NCKAP1L: variants seen among roughly 807,000 people sequenced by gnomAD.
NCKAP1L encodes NCK associated protein 1 like.
A neutral mutation model predicts 139.2 loss-of-function variants in NCKAP1L; 53 were observed. That is an observed-to-expected ratio of 0.38 (90% CI 0.31 to 0.48). NCKAP1L has a LOEUF of 0.48. NCKAP1L is among the 20% of genes least tolerant of loss of function. The pLI is 0.98. For missense variants in NCKAP1L, 1,151 were observed against 1,381.9 expected (o/e 0.83, Z 2.65); for synonymous variants, 468 against 499.7 (o/e 0.94, Z 0.85).
At chr12:54,534,456 A>T (rs1406985063) in intron 26 of NCKAP1L, among the ~76,000 whole-genome samples, 1 of 152,234 alleles carries the variant, frequency 6.6e-6, no homozygotes, top group Non-Finnish European at 1.5e-5. Flanking sequence ...ATCTAAAAAG[A>T]TAACTAACAC....
Position 54,545,491 on chromosome 12 carries a change from A to G in NCKAP1L, c.*2806A>G, listed in dbSNP as rs575769488. Reference sequence around the variant, plus strand: ...GGAGCAAATTGGAGAAGGTGAGGACATGATGGCCTTTACTACCGGAAGCAA... The same window carrying G: ...GGAGCAAATTGGAGAAGGTGAGGACGTGATGGCCTTTACTACCGGAAGCAA... On this transcript the variant is annotated 3_prime_UTR_variant, in exon 31 of 31. Transcript: ENST00000293373. The G allele has an allele frequency of 1.3e-5, 2 of 152,368 alleles. No individual in the cohort carries two copies. Among genetic ancestry groups the G allele is most frequent in the East Asian group, 3.9e-4 (2 of 5,184 alleles). 9.4% of individuals were successfully genotyped at this position (152,368 alleles called of 1,614,324 possible). A position where few individuals can be genotyped will look rare whatever the true frequency, so the allele number is the denominator to read the frequency against.
intron 18 of NCKAP1L, 37 bp downstream of exon 18, chr12:54,521,275 C>T (rs374250004): frequency 3.7e-6 from 6 of 1,609,752 alleles, no homozygotes; most frequent in South Asian, 3.3e-5. Context: ...CTCCCCTCTG[C>T]CAGCGCTCAG....
chr12:54,517,798 C>A lies in NCKAP1L; in HGVS notation c.1206-8C>A, dbSNP rs200079691. ...TATTCATCTCTGTTCTCATCCTAAA[C>A]TTTATAGGAGCATTGCAGAGCTACT... On this transcript the variant is annotated splice_region_variant and splice_polypyrimidine_tract_variant and intron_variant, in intron 12 of 30. Coordinates refer to ENST00000293373, the MANE Select transcript of NCKAP1L (RefSeq NM_005337.5). 2.3e-4 allele frequency: 371 copies of A among 1,614,036 alleles called. 2 individuals carry two copies. The highest frequency in any genetic ancestry group is 1.0e-5 in the Non-Finnish European group (12 of 1,179,930).
At chr12:54,498,477 G>A (rs1320171050) in intron 1 of NCKAP1L, among the ~76,000 whole-genome samples, 2 of 150,944 alleles carry the variant, frequency 1.3e-5, no homozygotes, top group Non-Finnish European at 3.0e-5. Context: ...AGTGACAAGA[G>A]GTGGGCTAGG....
At chr12:54,531,970 A>G (rs1330303849) in intron 25 of NCKAP1L, 145 bp downstream of exon 25, 4 of 786,568 alleles carry the variant, frequency 5.1e-6, no homozygotes, top group Non-Finnish European at 8.1e-6. Flanking sequence ...AGGGAGAGTA[A>G]TTTGGCAGAG....
At chr12:54,535,805 G>A (rs1957109481) in intron 27 of NCKAP1L, among the ~76,000 whole-genome samples, 1 of 152,172 alleles carries the variant, frequency 6.6e-6, no homozygotes, top group South Asian at 2.1e-4. Flanking sequence ...AGAACCTTTT[G>A]TCTTCTTTCT....
chr12:54,539,264 G>C (rs1186135407), intron 30 of NCKAP1L, among the ~76,000 whole-genome samples: 1 of 152,206 alleles, frequency 6.6e-6, no homozygotes, highest in East Asian at 1.9e-4. Flanking sequence ...TGATAGGGCA[G>C]CTGTGCCCGT....
At position 54,546,998 on chromosome 12, in the gene NCKAP1L, G is replaced by A. The variant is rs1476745413; in HGVS notation, c.*4313G>A. ...TATCAAACTCAAAGCTTGTTGGAAAGGATTGTGGGGTTAGGGGAGTGAGGA... is the reference window on the plus strand; with the variant it reads ...TATCAAACTCAAAGCTTGTTGGAAAAGATTGTGGGGTTAGGGGAGTGAGGA... On this transcript the variant is annotated 3_prime_UTR_variant, in exon 31 of 31. Transcript: ENST00000293373. 6.6e-6 allele frequency: 1 copy of A among 152,194 alleles called. No homozygotes were observed. The highest frequency in any genetic ancestry group is 1.5e-5 in the Non-Finnish European group (1 of 68,038). The allele number at this position is 152,194 out of a possible 1,614,324, so 9.4% of individuals were successfully genotyped here. A position where few individuals can be genotyped will look rare whatever the true frequency, so the allele number is the denominator to read the frequency against.
Position 54,509,735 on chromosome 12 carries a change from A to G in NCKAP1L, c.573A>G (p.Thr191=). 1 of 1,614,216 alleles carries G rather than the reference A, an allele frequency of 6.2e-7. No homozygotes were observed. The highest frequency in any genetic ancestry group is 8.5e-7 in the Non-Finnish European group (1 of 1,180,028). The change falls in exon 6 of 31, where the codon ACA becomes ACG. Residue 191 remains threonine, a synonymous_variant. Transcript: ENST00000293373. ...LEYDHPLKKL[T]EEFGPHTKAV... ...ATGACCACCCTCTGAAGAAGCTGAC[A>G]GAAGAGTTTGGGCCTCACACAAAGG...
Position 54,500,520 on chromosome 12 carries a change from G to A in NCKAP1L, c.214-13G>A. 1 of 1,579,486 alleles carries A rather than the reference G, an allele frequency of 6.3e-7. No homozygotes were observed. The highest frequency in any genetic ancestry group is 8.7e-7 in the Non-Finnish European group (1 of 1,149,146). The stretch of plus-strand genomic sequence containing the variant: ...TTGCACTTTTTTATTGTTTTGTTTT[G>A]TGTTTCTCTCAGCAACATTTAGGAC... On this transcript the variant is annotated splice_polypyrimidine_tract_variant and intron_variant, in intron 2 of 30. Coordinates refer to ENST00000293373, the MANE Select transcript of NCKAP1L (RefSeq NM_005337.5).
chr12:54,511,245 T>C (rs1956885849), intron 7 of NCKAP1L, among the ~76,000 whole-genome samples: 1 of 152,232 alleles, frequency 6.6e-6, no homozygotes, highest in East Asian at 1.9e-4. Flanking sequence ...ATGTGAAACC[T>C]TTTGCTTGTT....
chr12:54,501,814 T>C (rs997165487), intron 3 of NCKAP1L, among the ~76,000 whole-genome samples: 1 of 152,244 alleles, frequency 6.6e-6, no homozygotes, highest in Non-Finnish European at 1.5e-5. Context: ...GGAACTGCTA[T>C]ACTGTTTTCC....
intron 7 of NCKAP1L, among the ~76,000 whole-genome samples, chr12:54,511,381 A>G (rs1052111818): frequency 1.3e-5 from 2 of 152,176 alleles, no homozygotes; most frequent in African/African-American, 4.8e-5. Flanking sequence ...AATGTGCCCT[A>G]AACTAGTCTG....
chr12:54,499,201 G>C (rs1387563501), intron 1 of NCKAP1L, among the ~76,000 whole-genome samples, 154 bp from the exon 2 acceptor site: 1 of 152,210 alleles, frequency 6.6e-6, no homozygotes, highest in East Asian at 1.9e-4. Flanking sequence ...TGGGATTACA[G>C]GTGTGAGCCG....
chr12:54,532,310 GCTAGGAT>G (rs1311971027), intron 26 of NCKAP1L, 60 bp downstream of exon 26: 2 of 1,414,864 alleles, frequency 1.4e-6, no homozygotes, highest in African/African-American at 1.4e-5. Context: ...AAAGGAGGTA[GCTAGGAT>G]CTTGTAAGGG....
In NCKAP1L at chr12:54,518,421, T is replaced by G. The variant is rs140248313; in HGVS notation, c.1339-230T>G. ...ACTAATAATCTCAGCCGTCTTTTTT[T>G]CCCCACTAAGTGAAATTACATAGAA... On this transcript the variant is annotated intron_variant, in intron 13 of 30. Coordinates refer to ENST00000293373, the MANE Select transcript of NCKAP1L (RefSeq NM_005337.5). 3.0e-3 allele frequency among the ~76,000 whole-genome samples: 463 copies of G among 152,248 alleles called. 3 individuals carry two copies. The highest frequency in any genetic ancestry group is 0.011 in the African/African-American group (450 of 41,546).
rs1957202302 is a variant in NCKAP1L at position 54,546,900 on chromosome 12, T to TTTAAA, written c.*4217_*4221dup. Reference sequence around the variant, plus strand: ...AAGGAGAGGATTGTGAGGCTGCCCCTTTAAATAGCATTCCCGTAGGAGGCA... The same window carrying TTTAAA: ...AAGGAGAGGATTGTGAGGCTGCCCCTTTAAATTAAATAGCATTCCCGTAGGAGGCA... On this transcript the variant is annotated 3_prime_UTR_variant, in exon 31 of 31. Coordinates refer to ENST00000293373, the MANE Select transcript of NCKAP1L (RefSeq NM_005337.5). The TTTAAA allele has an allele frequency of 6.6e-6, 1 of 152,200 alleles. No homozygotes were observed. Among genetic ancestry groups the TTTAAA allele is most frequent in the Non-Finnish European group, 1.5e-5 (1 of 68,052 alleles). The allele number at this position is 152,200 out of a possible 1,614,324, so 9.4% of individuals were successfully genotyped here.
At chr12:54,524,202 G>C (rs1957009053) in intron 20 of NCKAP1L, among the ~76,000 whole-genome samples, 2 of 152,212 alleles carry the variant, frequency 1.3e-5, no homozygotes, top group Non-Finnish European at 2.9e-5. Flanking sequence ...GAAACCACTG[G>C]TTTAGTAGAA....
intron 9 of NCKAP1L, among the ~76,000 whole-genome samples, chr12:54,515,072 T>C (rs764637251): frequency 1.3e-5 from 2 of 152,194 alleles, no homozygotes; most frequent in Non-Finnish European, 2.9e-5. Context: ...AATGAGAAAA[T>C]GGAGGCTCAG....
Sources: gnomAD v4.1 joint callset for allele counts (sites outside exome capture counted in the v4.1 genomes callset) on GRCh38, gnomAD v4.1.1 for gene constraint, MANE v1.5 for transcripts, NCBI Gene and HGNC (gene_info 2026-07-23, HGNC 2026-07-21) for gene names.